Variants in PLCG2 observed in about 807,000 individuals in gnomAD.
PLCG2 encodes the protein phospholipase C gamma 2.
Under a neutral mutation model 175.6 loss-of-function variants are expected in PLCG2, and 69 were observed. The ratio of observed to expected loss-of-function variants is 0.39; its 90% CI spans 0.32 to 0.48. The LOEUF (loss-of-function observed/expected upper bound fraction) is 0.48, where lower values mean the gene tolerates loss of function less well. Ranked by LOEUF, PLCG2 falls within the 20% of genes least tolerant of loss-of-function variation. PLCG2 has a pLI of 0.91. For missense variants in PLCG2, 1,798 were observed against 1,650.9 expected (o/e 1.09, Z -1.54); for synonymous variants, 827 against 624.0 (o/e 1.33, Z -4.85).
chr16:81,804,752 T>G (rs752355162), intron 2 of PLCG2, among the ~76,000 whole-genome samples: 2 of 152,216 alleles, frequency 1.3e-5, no homozygotes, highest in Non-Finnish European at 2.9e-5. Context: ...CTGTCCACTT[T>G]GAGCTCCTCT....
chr16:81,806,813 G>C (rs533229399), intron 2 of PLCG2, among the ~76,000 whole-genome samples: 19 of 151,644 alleles, frequency 1.3e-4, no homozygotes, highest in Admixed American at 1.1e-3. Flanking sequence ...AGGGCTTCAG[G>C]AATGGCCAGG....
chr16:81,798,125 C>G (rs1280944091), intron 2 of PLCG2, among the ~76,000 whole-genome samples: 1 of 152,180 alleles, frequency 6.6e-6, no homozygotes, highest in East Asian at 1.9e-4. Context: ...GTCACCGCGC[C>G]TGGCCTGAGT....
At chr16:81,918,086 A>G (rs1323913512) in intron 19 of PLCG2, among the ~76,000 whole-genome samples, 1 of 152,084 alleles carries the variant, frequency 6.6e-6, no homozygotes, top group Non-Finnish European at 1.5e-5. Flanking sequence ...TTCCTTATAT[A>G]TTTTGGATAT....
intron 2 of PLCG2, among the ~76,000 whole-genome samples, chr16:81,853,303 A>C (rs1415930429): frequency 9.9e-5 from 15 of 151,044 alleles, no homozygotes; most frequent in Middle Eastern, 3.4e-3. Flanking sequence ...TGCACTCCAG[A>C]CTGGGTGACA....
At chr16:81,905,587 G>C (rs940332279) in intron 15 of PLCG2, 80 bp downstream of exon 15, 10 of 850,670 alleles carry the variant, frequency 1.2e-5, no homozygotes, top group South Asian at 2.8e-5. Context: ...GGAGCTCTGA[G>C]AATACGCCTG....
At chr16:81,862,268 T>C (rs1431484276) in intron 5 of PLCG2, among the ~76,000 whole-genome samples, 1 of 152,138 alleles carries the variant, frequency 6.6e-6, no homozygotes, top group Non-Finnish European at 1.5e-5. Context: ...AAGTCTTAGG[T>C]GTTTTGCTTG....
chr16:81,782,378 C>G (rs1910776704), intron 1 of PLCG2, among the ~76,000 whole-genome samples: 1 of 151,660 alleles, frequency 6.6e-6, no homozygotes, highest in African/African-American at 2.4e-5. Flanking sequence ...AAAGGGATTT[C>G]AAGGCTTTTT....
intron 2 of PLCG2, among the ~76,000 whole-genome samples, chr16:81,771,355 G>C (rs62046425): frequency 0.019 from 2,820 of 152,244 alleles, 35 homozygotes; most frequent in Middle Eastern, 0.044. Flanking sequence ...AGCCTCCCAA[G>C]TAGCCAGGAC....
At chr16:81,754,538 G>T (rs1052184090) in intron 1 of PLCG2, among the ~76,000 whole-genome samples, 1 of 140,622 alleles carries the variant, frequency 7.1e-6, no homozygotes, top group Non-Finnish European at 1.5e-5. Flanking sequence ...CTTGTACCAA[G>T]CTGGGTGGTG....
In PLCG2 at chr16:81,962,596, T is replaced by A. The variant is rs1198590571; in HGVS notation, c.*4598T>A. Reference sequence around the variant, plus strand: ...TGCTTTGTGTACATAGAGAATTAAGTGAATGAGTCACACAGATGTTGGCTG... The same window carrying A: ...TGCTTTGTGTACATAGAGAATTAAGAGAATGAGTCACACAGATGTTGGCTG... On this transcript the variant is annotated 3_prime_UTR_variant, in exon 33 of 33. Coordinates refer to ENST00000564138, the MANE Select transcript of PLCG2 (RefSeq NM_002661.5). 10 of 222,788 alleles carry A rather than the reference T, an allele frequency of 4.5e-5. No homozygotes were observed. The highest frequency in any genetic ancestry group is 1.8e-4 in the South Asian group (1 of 5,444). 13.8% of individuals were successfully genotyped at this position (222,788 alleles called of 1,614,324 possible). A position where few individuals can be genotyped will look rare whatever the true frequency, so the allele number is the denominator to read the frequency against.
intron 2 of PLCG2, among the ~76,000 whole-genome samples, chr16:81,841,524 A>T (rs1905830230): frequency 6.6e-6 from 1 of 152,194 alleles, no homozygotes; most frequent in East Asian, 1.9e-4. Context: ...TACAGGCATG[A>T]ACCACTGCGC....
intron 31 of PLCG2, among the ~76,000 whole-genome samples, chr16:81,951,568 C>T (rs1911367098): frequency 6.6e-6 from 1 of 152,212 alleles, no homozygotes; most frequent in Non-Finnish European, 1.5e-5. Flanking sequence ...CTTCTTCTGT[C>T]TTGAAGCTAT....
chr16:81,912,834 C>A, intron 19 of PLCG2, 118 bp downstream of exon 19: 1 of 1,254,696 alleles, frequency 8.0e-7, no homozygotes. Flanking sequence ...CCCCCAGCAT[C>A]AGCGACAACA....
At chr16:81,805,958 T>G (rs1912002733) in intron 2 of PLCG2, among the ~76,000 whole-genome samples, 1 of 151,932 alleles carries the variant, frequency 6.6e-6, no homozygotes, top group African/African-American at 2.4e-5. Context: ...AGTTTAAAGT[T>G]TTCTAGTTGC....
intron 2 of PLCG2, among the ~76,000 whole-genome samples, chr16:81,817,682 C>T (rs1265755313): frequency 6.6e-6 from 1 of 152,198 alleles, no homozygotes; most frequent in Non-Finnish European, 1.5e-5. Context: ...GATAGGGTCT[C>T]ACTGTGTTGC....
chr16:81,787,195 A>G (rs1911008504), intron 2 of PLCG2, among the ~76,000 whole-genome samples: 1 of 150,512 alleles, frequency 6.6e-6, no homozygotes. Context: ...ATTCGAAGTG[A>G]CTATCATTGT....
chr16:81,935,038 C>A (rs1051821082), intron 26 of PLCG2, among the ~76,000 whole-genome samples: 1 of 152,140 alleles, frequency 6.6e-6, no homozygotes, highest in Non-Finnish European at 1.5e-5. Context: ...CAAACCATAT[C>A]ACCCACTTAG....
intron 2 of PLCG2, among the ~76,000 whole-genome samples, chr16:81,793,558 G>A (rs995301436): frequency 6.6e-6 from 1 of 152,138 alleles, no homozygotes; most frequent in Non-Finnish European, 1.5e-5. Flanking sequence ...TTTTGCTTAG[G>A]CATATCTTCT....
chr16:81,817,569 C>G (rs981783561), intron 2 of PLCG2, among the ~76,000 whole-genome samples: 1 of 152,226 alleles, frequency 6.6e-6, no homozygotes, highest in Non-Finnish European at 1.5e-5. Context: ...AGCCCTCAAA[C>G]TGCACCTGGC....
Sources: gnomAD v4.1 joint callset for allele counts (sites outside exome capture counted in the v4.1 genomes callset) on GRCh38, gnomAD v4.1.1 for gene constraint, MANE v1.5 for transcripts, NCBI Gene and HGNC (gene_info 2026-07-23, HGNC 2026-07-21) for gene names.